ARHGAP28: variants seen among roughly 807,000 people sequenced by gnomAD.
ARHGAP28 encodes Rho GTPase activating protein 28, also known as rho GTPase-activating protein 28.
A neutral mutation model predicts 90.7 loss-of-function variants in ARHGAP28; 56 were observed. The ratio of observed to expected loss-of-function variants is 0.62; its 90% confidence interval spans 0.50 to 0.77. The LOEUF is 0.77. Among genes scored for constraint, ARHGAP28 ranks in the 30% least tolerant of loss-of-function variants. ARHGAP28 has a pLI of 0.00. For missense variants in ARHGAP28, 869 were observed against 900.9 expected (o/e 0.96, Z 0.45); for synonymous variants, 308 against 323.3 (o/e 0.95, Z 0.51).
intron 2 of ARHGAP28, among the ~76,000 whole-genome samples, chr18:6,835,385 G>A (rs1035810822): frequency 2.0e-5 from 3 of 152,102 alleles, no homozygotes; most frequent in African/African-American, 7.2e-5. Flanking sequence ...TTAGATTACG[G>A]CTGCCAATCA....
At chr18:6,898,290 GT>G (rs956407510) in intron 16 of ARHGAP28, 4 of 473,722 alleles carry the variant, frequency 8.4e-6, no homozygotes, top group South Asian at 4.6e-5. Flanking sequence ...GGCCTCAAAC[GT>G]TTTTTTTCTC....
In ARHGAP28 at chr18:6,814,746, C is replaced by T. The variant is rs186814817; in HGVS notation, c.123-10016C>T. 2.3e-4 allele frequency among the ~76,000 whole-genome samples: 35 copies of T among 152,194 alleles called. 1 individual carries two copies. The highest frequency in any genetic ancestry group is 2.2e-3 in the Admixed American group (34 of 15,272). ...AATCAAAATATATACTGCAATTTGG[C>T]ATTAAGCAATAGAGAGAATATGTAC... On this transcript the variant is annotated intron_variant, in intron 1 of 17. Coordinates refer to ENST00000383472, the MANE Select transcript of ARHGAP28 (RefSeq NM_001366230.1).
intron 7 of ARHGAP28, among the ~76,000 whole-genome samples, chr18:6,872,075 T>C (rs2057094091): frequency 6.6e-6 from 1 of 152,082 alleles, no homozygotes; most frequent in Non-Finnish European, 1.5e-5. Context: ...CATGTGGTGG[T>C]CGAGGGAAAA....
At chr18:6,829,176 A>G (rs1325145175) in intron 2 of ARHGAP28, among the ~76,000 whole-genome samples, 3 of 152,224 alleles carry the variant, frequency 2.0e-5, no homozygotes, top group African/African-American at 7.2e-5. Context: ...TTTCAGATCC[A>G]GAAAGACAGG....
At chr18:6,849,398 G>C (rs1177626519) in intron 3 of ARHGAP28, among the ~76,000 whole-genome samples, 1 of 152,138 alleles carries the variant, frequency 6.6e-6, no homozygotes, top group East Asian at 1.9e-4. Context: ...TGAGGTGGCA[G>C]GCACTGTCCT....
intron 11 of ARHGAP28, among the ~76,000 whole-genome samples, chr18:6,886,148 G>A (rs1460850425): frequency 6.6e-6 from 1 of 152,092 alleles, no homozygotes; most frequent in Non-Finnish European, 1.5e-5. Flanking sequence ...CTTGTCACAA[G>A]TGTTTCCACT....
At chr18:6,836,364 C>T (rs73384512) in intron 2 of ARHGAP28, among the ~76,000 whole-genome samples, 1 of 151,912 alleles carries the variant, frequency 6.6e-6, no homozygotes, top group Non-Finnish European at 1.5e-5. Flanking sequence ...ACCAGAGCCT[C>T]AATTAGGATC....
intron 3 of ARHGAP28, among the ~76,000 whole-genome samples, chr18:6,846,102 G>T (rs1400802937): frequency 6.6e-6 from 1 of 152,178 alleles, no homozygotes; most frequent in Non-Finnish European, 1.5e-5. Flanking sequence ...AAGGACGGGG[G>T]TTTGCTGACA....
In ARHGAP28 at chr18:6,833,355, ACCTTTTATGACAAAAAAAGAAAC is replaced by A. The variant is rs1291879670; in HGVS notation, c.326-3838_326-3816del. ...CTCAGACTGCTATCGTTTCTAGATTACCTTTTATGACAAAAAAAGAAACCCTCCAGTTTAGAATCACTTGTTAT... is the reference window on the plus strand; with the variant it reads ...CTCAGACTGCTATCGTTTCTAGATTACCTCCAGTTTAGAATCACTTGTTAT... On this transcript the variant is annotated intron_variant, in intron 2 of 17. Coordinates refer to ENST00000383472, the MANE Select transcript of ARHGAP28 (RefSeq NM_001366230.1). Among the ~76,000 whole-genome samples, 15 of 152,158 alleles carry A rather than the reference ACCTTTTATGACAAAAAAAGAAAC, an allele frequency of 9.9e-5. 1 individual carries two copies. Among genetic ancestry groups the A allele is most frequent in the Admixed American group, 7.2e-4 (11 of 15,286 alleles).
chr18:6,740,035 G>C (rs2055962871), intron 1 of ARHGAP28, among the ~76,000 whole-genome samples: 1 of 151,988 alleles, frequency 6.6e-6, no homozygotes, highest in Non-Finnish European at 1.5e-5. Flanking sequence ...TGTATCTTTA[G>C]TGGAGACGGG....
chr18:6,729,777 C>G lies in ARHGAP28; in HGVS notation c.-45C>G. 1 of 1,351,462 alleles carries G rather than the reference C, an allele frequency of 7.4e-7. No homozygotes were observed. Among genetic ancestry groups the G allele is most frequent in the East Asian group, 3.1e-5 (1 of 32,056 alleles). The allele number at this position is 1,351,462 out of a possible 1,614,324, so 83.7% of individuals were successfully genotyped here. On this transcript the variant is annotated 5_prime_UTR_variant, in exon 1 of 18. Coordinates refer to ENST00000383472, the MANE Select transcript of ARHGAP28 (RefSeq NM_001366230.1). ...CCCGGCGCGCCGGTCCATGCTGGTC[C>G]CGGTCTTTGTTCTGGGGCCGGCGCC...
intron 2 of ARHGAP28, among the ~76,000 whole-genome samples, chr18:6,835,708 A>G (rs2143846921): frequency 6.6e-6 from 1 of 152,214 alleles, no homozygotes; most frequent in East Asian, 1.9e-4. Flanking sequence ...TGATTTCCTT[A>G]TATTTCTATA....
rs192239486 is a variant in ARHGAP28 at position 6,756,955 on chromosome 18, G to A, written c.122+27012G>A. On this transcript the variant is annotated intron_variant, in intron 1 of 17. Coordinates refer to ENST00000383472, the MANE Select transcript of ARHGAP28 (RefSeq NM_001366230.1). ...ATTGGATGGTGCCCACCCACGTTGA[G>A]GGTGGGTCTGCCTCTTTCAGTCCAC... Among the ~76,000 whole-genome samples, 23 of 152,276 alleles carry A rather than the reference G, an allele frequency of 1.5e-4. No individual in the cohort carries two copies. The South Asian group carries it at 2.1e-3, about 14-fold the overall frequency.
intron 1 of ARHGAP28, among the ~76,000 whole-genome samples, chr18:6,762,117 T>C (rs2056164997): frequency 1.3e-5 from 2 of 152,238 alleles, no homozygotes; most frequent in African/African-American, 4.8e-5. Context: ...TTCCAGTGTG[T>C]GTCAGTTTAT....
chr18:6,753,739 G>C (rs12326891), intron 1 of ARHGAP28, among the ~76,000 whole-genome samples: 1 of 152,012 alleles, frequency 6.6e-6, no homozygotes, highest in Non-Finnish European at 1.5e-5. Flanking sequence ...TTCCAGAGGC[G>C]TAGCTACTGT....
chr18:6,802,335 CTTTTT>C (rs35950139), intron 1 of ARHGAP28, among the ~76,000 whole-genome samples: 4 of 52,754 alleles, frequency 7.6e-5, no homozygotes, highest in Non-Finnish European at 1.1e-4. Flanking sequence ...TATGGTAGTT[CTTTTT>C]TTTTTTTTTT....
At chr18:6,854,769 ACCTGCAG>A (rs2056939282) in intron 4 of ARHGAP28, among the ~76,000 whole-genome samples, 1 of 150,412 alleles carries the variant, frequency 6.6e-6, no homozygotes, top group South Asian at 2.1e-4. Context: ...GCAGCTGCCC[ACCTGCAG>A]CTCTGGACCC....
At chr18:6,743,234 ATTTCT>A (rs2055994850) in intron 1 of ARHGAP28, among the ~76,000 whole-genome samples, 1 of 152,172 alleles carries the variant, frequency 6.6e-6, no homozygotes, top group Admixed American at 6.5e-5. Flanking sequence ...TTAAAAACCC[ATTTCT>A]TTTCTTACTT....
At chr18:6,892,078 AC>A (rs1300032952) in intron 14 of ARHGAP28, among the ~76,000 whole-genome samples, 1 of 152,168 alleles carries the variant, frequency 6.6e-6, no homozygotes, top group Non-Finnish European at 1.5e-5. Flanking sequence ...TAGAACCAAT[AC>A]TTTTATTTAG....
Sources: gnomAD v4.1 joint callset for allele counts (sites outside exome capture counted in the v4.1 genomes callset) on GRCh38, gnomAD v4.1.1 for gene constraint, MANE v1.5 for transcripts, NCBI Gene and HGNC (gene_info 2026-07-23, HGNC 2026-07-21) for gene names.